The following ABLIM1 variants were observed in gnomAD, a reference collection of about 807,000 sequenced individuals.
The protein encoded by ABLIM1 is actin-binding LIM protein 1.
In ABLIM1, 40 loss-of-function variants were observed where a neutral mutation model predicts 107.0. The observed-to-expected ratio is 0.37, with a 90% CI of 0.29 to 0.49. ABLIM1 has a LOEUF of 0.49. ABLIM1 is among the 20% of genes least tolerant of loss of function. ABLIM1 has a pLI of 0.97. For missense variants in ABLIM1, 857 were observed against 1,008.5 expected (o/e 0.85, Z 2.04); for synonymous variants, 357 against 357.3 (o/e 1.00, Z 0.01).
chr10:114,453,383 A>C lies in ABLIM1; in HGVS notation c.1542T>G (p.Val514=), dbSNP rs146435381. The change falls in exon 13 of 23, where the codon GTT becomes GTG. Residue 514 remains valine (V), a synonymous_variant. Coordinates refer to ENST00000533213, the MANE Select transcript of ABLIM1 (RefSeq NM_002313.7). ...TYAQAPKHFH[V]PDQGINIYRK... ...ACAGACTGTGTCAGCTCCTACCTGGAACATGGAAATGTTTAGGGGCCTGAG... is the reference window on the plus strand; with the variant it reads ...ACAGACTGTGTCAGCTCCTACCTGGCACATGGAAATGTTTAGGGGCCTGAG... 1.2e-6 allele frequency: 2 copies of C among 1,613,816 alleles called. No homozygotes were observed. The highest frequency in any genetic ancestry group is 1.3e-5 in the African/African-American group (1 of 74,894).
rs180838032 is a variant in ABLIM1 at position 114,553,151 on chromosome 10, C to T, written c.674-5375G>A. 4.0e-4 allele frequency among the ~76,000 whole-genome samples: 61 copies of T among 152,254 alleles called. 1 individual carries two copies. In the East Asian group the frequency reaches 5.8e-3, roughly 14 times the overall value. Reference sequence around the variant, plus strand: ...CCAAAGATGTCTTACTCTGTGAAGACGCCTCTCTGGAAAAGAAGGCTGAGG... The same window carrying T: ...CCAAAGATGTCTTACTCTGTGAAGATGCCTCTCTGGAAAAGAAGGCTGAGG... On this transcript the variant is annotated intron_variant, in intron 4 of 22. Coordinates refer to ENST00000533213, the MANE Select transcript of ABLIM1 (RefSeq NM_002313.7).
rs567055899 is a variant in ABLIM1, at chr10:114,700,484, CAATT to C, written c.-213+67573_-213+67576del. On this transcript the variant is annotated intron_variant, in intron 1 of 15. Coordinates refer to the ABLIM1 transcript ENST00000651092. ...GTAAAGGGCCTAGGATTGCCAAAAA[CAATT>C]AAAACACACACACACACACACACAC... is the stretch of plus-strand genomic sequence containing the variant. 6.1e-4 allele frequency among the ~76,000 whole-genome samples: 87 copies of C among 142,724 alleles called. 1 individual carries two copies. In the Middle Eastern group the frequency reaches 0.011, roughly 18 times the overall value. 93.6% of individuals were successfully genotyped at this position (142,724 alleles called of 152,430 possible). A position where few individuals can be genotyped will look rare whatever the true frequency, so the allele number is the denominator to read the frequency against.
Position 114,629,757 on chromosome 10 carries a change from C to T in ABLIM1, c.245-27796G>A, listed in dbSNP as rs563780308. ...CTCTAGGATGAATGCCTGGACTAAA[C>T]GATCCCCAGTGCCCTTCTCACTTTA... On this transcript the variant is annotated intron_variant, in intron 1 of 22. Coordinates refer to ENST00000533213, the MANE Select transcript of ABLIM1 (RefSeq NM_002313.7). The surrounding 1 kb of genome is among the most constrained non-coding windows in gnomAD (Gnocchi z 4.0). 3.3e-5 allele frequency among the ~76,000 whole-genome samples: 5 copies of T among 152,286 alleles called. No homozygotes were observed. Among genetic ancestry groups the T allele is most frequent in the South Asian group, 2.1e-4 (1 of 4,828 alleles).
At chr10:114,655,111 C>A (rs2079439500) in intron 1 of ABLIM1, among the ~76,000 whole-genome samples, 1 of 152,158 alleles carries the variant, frequency 6.6e-6, no homozygotes, top group African/African-American at 2.4e-5. Context: ...TCCCTGCCTA[C>A]CTTAGGGACA....
intron 1 of ABLIM1, among the ~76,000 whole-genome samples, chr10:114,608,948 G>A (rs976008353): frequency 6.6e-6 from 1 of 151,958 alleles, no homozygotes; most frequent in African/African-American, 2.4e-5. Flanking sequence ...ACAGGAGATG[G>A]AGGGTGCAGT....
intron 10 of ABLIM1, among the ~76,000 whole-genome samples, chr10:114,470,014 T>G (rs1422355096): frequency 6.6e-6 from 1 of 152,130 alleles, no homozygotes; most frequent in African/African-American, 2.4e-5. Flanking sequence ...CTCAGCTGGG[T>G]GAAGGCTGGT....
chr10:114,550,276 C>T (rs2067892274), intron 4 of ABLIM1, among the ~76,000 whole-genome samples: 1 of 151,886 alleles, frequency 6.6e-6, no homozygotes, highest in Non-Finnish European at 1.5e-5. Context: ...AATCTCACAT[C>T]TGGTAGTTTA....
intron 6 of ABLIM1, among the ~76,000 whole-genome samples, chr10:114,513,227 C>T (rs2475233): frequency 0.24 from 36,368 of 151,998 alleles, 4,664 homozygotes; most frequent in East Asian, 0.42. Context: ...AACTGATAAA[C>T]GTGATGAATT....
intron 1 of ABLIM1, among the ~76,000 whole-genome samples, chr10:114,758,963 G>GAAT (rs1409288726): frequency 6.6e-6 from 1 of 152,026 alleles, no homozygotes; most frequent in Admixed American, 6.6e-5. Flanking sequence ...TTTAAAATAT[G>GAAT]AATAATAATA....
chr10:114,767,755 T>C (rs2082934500), intron 1 of ABLIM1, among the ~76,000 whole-genome samples: 1 of 152,058 alleles, frequency 6.6e-6, no homozygotes, highest in Non-Finnish European at 1.5e-5. Flanking sequence ...GGCCAGCCCT[T>C]CCACAGCTCC....
chr10:114,635,292 T>C (rs1278820123), intron 1 of ABLIM1, among the ~76,000 whole-genome samples: 1 of 152,234 alleles, frequency 6.6e-6, no homozygotes, highest in East Asian at 1.9e-4. Context: ...ACACAGTCAC[T>C]CTTGGCAAAA....
the ABLIM1 span, among the ~76,000 whole-genome samples, chr10:114,791,025 C>T: frequency 1.3e-5 from 2 of 152,028 alleles, no homozygotes; most frequent in South Asian, 4.2e-4. Context: ...ATTATTTATC[C>T]TTTTTAAAAA....
chr10:114,789,945 A>AC, the ABLIM1 span, among the ~76,000 whole-genome samples: 437 of 152,256 alleles, frequency 2.9e-3, 3 homozygotes, highest in African/African-American at 0.01. Flanking sequence ...GGTGCATGCC[A>AC]CCACGCCCAG....
intron 6 of ABLIM1, among the ~76,000 whole-genome samples, chr10:114,503,311 C>T (rs1428569222): frequency 6.6e-6 from 1 of 151,992 alleles, no homozygotes. Context: ...ATTAGCCAGG[C>T]ATAATGGTAC....
At chr10:114,480,541 C>A (rs941417458) in intron 8 of ABLIM1, among the ~76,000 whole-genome samples, 12 of 152,174 alleles carry the variant, frequency 7.9e-5, no homozygotes, top group Non-Finnish European at 1.6e-4. Flanking sequence ...CTATCTTTGG[C>A]ATCTTCTGAT....
intron 1 of ABLIM1, among the ~76,000 whole-genome samples, chr10:114,735,892 T>C (rs1300121120): frequency 6.6e-6 from 1 of 152,212 alleles, no homozygotes; most frequent in African/African-American, 2.4e-5. Flanking sequence ...CAACATAGCA[T>C]GTGTGCCTCT....
chr10:114,627,280 A>G (rs1378102507), intron 1 of ABLIM1, among the ~76,000 whole-genome samples: 2 of 152,038 alleles, frequency 1.3e-5, no homozygotes, highest in South Asian at 2.1e-4. Flanking sequence ...CATATCCCCA[A>G]TCTTTAAAGC....
chr10:114,477,321 C>T (rs947362815), intron 8 of ABLIM1, among the ~76,000 whole-genome samples: 7 of 152,120 alleles, frequency 4.6e-5, no homozygotes, highest in Non-Finnish European at 4.4e-5. Flanking sequence ...TGCAATAGCT[C>T]ACTGGGTTGG....
chr10:114,620,107 G>T (rs560200474), intron 1 of ABLIM1, among the ~76,000 whole-genome samples: 3 of 152,262 alleles, frequency 2.0e-5, no homozygotes, highest in African/African-American at 7.2e-5. Flanking sequence ...AGTGTAGAGG[G>T]TCTAAGCCAA....
Sources: gnomAD v4.1 joint callset for allele counts (sites outside exome capture counted in the v4.1 genomes callset) on GRCh38, gnomAD v4.1.1 for gene constraint, Gnocchi (gnomAD v3.1) non-coding constraint, MANE v1.5 for transcripts, NCBI Gene and HGNC (gene_info 2026-07-23, HGNC 2026-07-21) for gene names.